TJP2: variants seen among roughly 807,000 people sequenced by gnomAD.
TJP2 encodes tight junction protein 2, also known as Friedreich ataxia region gene X104 (tight junction protein ZO-2).
In TJP2, 91 loss-of-function variants were observed where a neutral mutation model predicts 133.1. The ratio of observed to expected loss-of-function variants is 0.68; its 90% CI spans 0.58 to 0.81. The LOEUF is 0.81. Ranked by LOEUF, TJP2 falls within the 40% of genes least tolerant of loss-of-function variation. TJP2 has a pLI of 0.00. For synonymous variants in TJP2, 592 were observed against 583.4 expected, an observed-to-expected ratio of 1.01 and a Z score of -0.21; for missense variants, 1,541 against 1,565.6, an observed-to-expected ratio of 0.98 and a Z score of 0.26.
rs556368116 is a variant in TJP2, at chr9:69,221,374, C to T, written c.830C>T (p.Ala277Val). ...PEYRRGARHD[A>V]RSRGPRSRSR... ...TACAGGCGCGGGGCCCGCCACGATG[C>T]CCGCTCTCGGGGACCCCGAAGCCGC... The change falls in exon 5 of 23, where the codon GCC (alanine) becomes GTC (valine). Residue 277 changes from alanine (A) to valine (V), a missense_variant. By Grantham distance (64) the Ala-to-Val change is moderately conservative (BLOSUM62 0). Coordinates refer to ENST00000377245, the MANE Select transcript of TJP2 (RefSeq NM_004817.4). 5.7e-6 allele frequency: 9 copies of T among 1,583,960 alleles called. 1 individual carries two copies. The East Asian group carries it at 2.1e-4, about 37-fold the overall frequency.
chr9:69,147,034 G>C (rs1163584397), intron 1 of TJP2, among the ~76,000 whole-genome samples: 2 of 152,184 alleles, frequency 1.3e-5, no homozygotes, highest in Non-Finnish European at 2.9e-5. Flanking sequence ...TTATTGTCTT[G>C]AAAGTAAATG....
At chr9:69,165,536 T>C (rs1824305491) in intron 2 of TJP2, among the ~76,000 whole-genome samples, 1 of 152,140 alleles carries the variant, frequency 6.6e-6, no homozygotes, top group Admixed American at 6.5e-5. Flanking sequence ...ACTGACTATA[T>C]AGTCACTACA....
intron 5 of TJP2, among the ~76,000 whole-genome samples, chr9:69,223,012 G>A (rs1829006172): frequency 7.5e-6 from 1 of 133,046 alleles, no homozygotes; most frequent in Non-Finnish European, 1.6e-5. Flanking sequence ...AGAGGTTGCA[G>A]TAGCAGAGAT....
chr9:69,166,826 A>G (rs1824382592), intron 2 of TJP2, among the ~76,000 whole-genome samples: 1 of 152,188 alleles, frequency 6.6e-6, no homozygotes, highest in Non-Finnish European at 1.5e-5. Flanking sequence ...AGTCCCAGCT[A>G]CTTGGGAGGC....
At chr9:69,190,902 G>A (rs1342007421) in intron 1 of TJP2, among the ~76,000 whole-genome samples, 2 of 152,202 alleles carry the variant, frequency 1.3e-5, no homozygotes, top group South Asian at 2.1e-4. Flanking sequence ...CTCTTGTAGT[G>A]GCAAGCCTAA....
intron 1 of TJP2, among the ~76,000 whole-genome samples, chr9:69,183,562 TTTGGC>T (rs1825656808): frequency 6.6e-6 from 1 of 152,224 alleles, no homozygotes; most frequent in Non-Finnish European, 1.5e-5. Flanking sequence ...ATCTGTCACA[TTTGGC>T]TTATCTCTTC....
At chr9:69,178,824 A>G (rs10781464) in intron 1 of TJP2, among the ~76,000 whole-genome samples, 141,035 of 152,248 alleles carry the variant, frequency 0.93, 65,321 homozygotes, top group Middle Eastern at 0.95. Context: ...AAGTATTTTG[A>G]CACTGATGAA....
At chr9:69,224,353 GT>G (rs11297121) in intron 5 of TJP2, among the ~76,000 whole-genome samples, 13,417 of 151,176 alleles carry the variant, frequency 0.089, 690 homozygotes, top group African/African-American at 0.12. Flanking sequence ...GTGCTGAATT[GT>G]TTTTTTTTCT....
At position 69,245,338 on chromosome 9, in the gene TJP2, G is replaced by A. The variant is rs112277420; in HGVS notation, c.2567-1352G>A. Among the ~76,000 whole-genome samples, 797 of 152,248 alleles carry A rather than the reference G, an allele frequency of 5.2e-3. 4 individuals are homozygous for A. Among genetic ancestry groups the A allele is most frequent in the South Asian group, 0.013 (61 of 4,820 alleles). On this transcript the variant is annotated intron_variant, in intron 17 of 22. Transcript: ENST00000377245. ...CAAAATTTGCTTAATGGTTCTTTTT[G>A]GCTTTAGAAGTGATAGTACAATAAG...
At chr9:69,238,298 G>A (rs984647018) in intron 15 of TJP2, among the ~76,000 whole-genome samples, 3 of 152,196 alleles carry the variant, frequency 2.0e-5, no homozygotes, top group African/African-American at 4.8e-5. Flanking sequence ...TTGATGTGGT[G>A]TGATTTTGTA....
upstream of TJP2, among the ~76,000 whole-genome samples, chr9:69,169,373 G>T (rs375234570): frequency 2.0e-3 from 293 of 149,648 alleles, 1 homozygote; most frequent in African/African-American, 6.7e-3. Context: ...TTTTTTTGGG[G>T]GGGGGATGGA....
chr9:69,221,643 T>C, intron 5 of TJP2, 147 bp downstream of exon 5: 2 of 1,112,688 alleles, frequency 1.8e-6, no homozygotes, highest in South Asian at 1.4e-5. Context: ...AACCTCCACC[T>C]CCCGGGTTCA....
At chr9:69,178,627 G>A (rs562971324) in intron 1 of TJP2, among the ~76,000 whole-genome samples, 3 of 152,192 alleles carry the variant, frequency 2.0e-5, no homozygotes, top group African/African-American at 2.4e-5. Flanking sequence ...TGTCTTAAGC[G>A]TGTGCATCCT....
In TJP2 at chr9:69,254,441, C is replaced by G. The variant is rs1831564891; in HGVS notation, c.*67C>G. On this transcript the variant is annotated 3_prime_UTR_variant, in exon 23 of 23. Transcript: ENST00000377245. ...CAGACTAGCCACTCCTGCCAGGCCG[C>G]CGGGATGGTTCTTCTCCAGTTAGAA... The G allele has an allele frequency of 1.9e-6, 3 of 1,598,718 alleles. No homozygotes were observed. In the African/African-American group the frequency reaches 4.0e-5, roughly 21 times the overall value.
intron 1 of TJP2, among the ~76,000 whole-genome samples, chr9:69,201,573 C>A (rs1227791768): frequency 6.6e-6 from 1 of 152,126 alleles, no homozygotes; most frequent in African/African-American, 2.4e-5. Flanking sequence ...TTTTGCTCTT[C>A]ATTTGTTCCT....
intron 2 of TJP2, among the ~76,000 whole-genome samples, chr9:69,154,493 C>T (rs1200439943): frequency 6.6e-6 from 1 of 152,122 alleles, no homozygotes; most frequent in Non-Finnish European, 1.5e-5. Context: ...CTTTGATTAT[C>T]ACCTTTCTGA....
At chr9:69,169,754 C>T (rs1415984184), upstream of TJP2, among the ~76,000 whole-genome samples, 1 of 152,008 alleles carries the variant, frequency 6.6e-6, no homozygotes, top group Non-Finnish European at 1.5e-5. Context: ...TATATACACA[C>T]ACACAGATAT....
At chr9:69,185,493 T>TG (rs767216300) in intron 1 of TJP2, among the ~76,000 whole-genome samples, 15 of 152,212 alleles carry the variant, frequency 9.9e-5, no homozygotes, top group Non-Finnish European at 1.8e-4. Context: ...TATTGCTCTG[T>TG]GATTCTAGGT....
intron 2 of TJP2, among the ~76,000 whole-genome samples, chr9:69,165,955 C>T (rs1178014482): frequency 2.0e-5 from 3 of 152,142 alleles, no homozygotes; most frequent in Non-Finnish European, 4.4e-5. Context: ...CCTGAGCACA[C>T]CCAGATGAGC....
Sources: allele counts gnomAD v4.1 joint callset (sites outside exome capture counted in the v4.1 genomes callset), GRCh38; gene constraint gnomAD v4.1.1; transcripts MANE v1.5; gene names NCBI Gene and HGNC (gene_info 2026-07-23, HGNC 2026-07-21).